Variants in CEP43 observed in about 807,000 individuals in gnomAD.
CEP43 encodes centrosomal protein 43.
CEP43 carries 36 observed loss-of-function variants against 52.6 expected under a neutral mutation model. The observed-to-expected ratio is 0.68, with a 90% CI of 0.52 to 0.90. CEP43 has a LOEUF of 0.90. CEP43 is among the 40% of genes least tolerant of loss of function. CEP43 has a pLI of 0.00. For synonymous variants in CEP43, 192 were observed against 172.4 expected (o/e 1.11, Z -0.89); for missense variants, 506 against 472.8 (o/e 1.07, Z -0.65).
In CEP43 at chr6:167,034,565, G is replaced by T. The variant is rs1156465447; in HGVS notation, c.1125+594G>T. Among the ~76,000 whole-genome samples the T allele has an allele frequency of 2.0e-5, 3 of 152,334 alleles. No homozygotes were observed. In the East Asian group the frequency reaches 5.8e-4, roughly 29 times the overall value. ...CACTTCAAGCTGTCCCCAGCTCAGA[G>T]GAGTCTACCAGTCAGGTTGGAGGTT... On this transcript the variant is annotated intron_variant, in intron 12 of 12. Transcript: ENST00000366847.
intron 2 of CEP43, among the ~76,000 whole-genome samples, chr6:167,001,953 C>T (rs1223376024): frequency 6.6e-6 from 1 of 151,258 alleles, no homozygotes; most frequent in Admixed American, 6.5e-5. Flanking sequence ...AGTTGACTCC[C>T]TATCTTAGAA....
chr6:167,016,572 G>C (rs1231072075), intron 7 of CEP43, among the ~76,000 whole-genome samples: 2 of 152,044 alleles, frequency 1.3e-5, no homozygotes, highest in Non-Finnish European at 2.9e-5. Context: ...CAGTTTTCAG[G>C]TATTTTAAAA....
At position 167,041,772 on chromosome 6, in the gene CEP43, A is replaced by C. The variant is rs975104076; in HGVS notation, c.*1794A>C. ...ACCTTTTGATAATATTTGGGAGGGT[A>C]AAAGAAATATGCCAAATATGAAACT... On this transcript the variant is annotated 3_prime_UTR_variant, in exon 13 of 13. Transcript: ENST00000366847. The C allele has an allele frequency of 3.9e-6, 4 of 1,013,396 alleles. No homozygotes were observed. Among genetic ancestry groups the C allele is most frequent in the Non-Finnish European group, 4.7e-6 (4 of 847,098 alleles). 62.8% of individuals were successfully genotyped at this position (1,013,396 alleles called of 1,614,324 possible). A position where few individuals can be genotyped will look rare whatever the true frequency, so the allele number is the denominator to read the frequency against.
In CEP43 at chr6:167,044,267, A is replaced by G. The variant is rs16899835; in HGVS notation, c.*4289A>G. On this transcript the variant is annotated 3_prime_UTR_variant, in exon 13 of 13. Transcript: ENST00000366847. ...GTAACATTTGAATCTAAAAGAGGCT[A>G]TATGAAAGAGGTTATAATAAAAATG... is the stretch of plus-strand genomic sequence containing the variant. The G allele has an allele frequency of 0.018, 4,630 of 263,582 alleles. 78 individuals carry two copies. The highest frequency in any genetic ancestry group is 0.089 in the East Asian group (503 of 5,632). 16.3% of individuals were successfully genotyped at this position (263,582 alleles called of 1,614,324 possible). A position where few individuals can be genotyped will look rare whatever the true frequency, so the allele number is the denominator to read the frequency against.
intron 1 of CEP43, 89 bp downstream of exon 1, chr6:166,999,603 C>T (rs752983790): frequency 2.9e-5 from 29 of 996,802 alleles, no homozygotes; most frequent in Non-Finnish European, 3.9e-5. Flanking sequence ...AGGAGGCCGC[C>T]TCCCTGGCGA....
chr6:167,028,070 A>G (rs1474805713), intron 10 of CEP43: 2 of 984,890 alleles, frequency 2.0e-6, no homozygotes, highest in East Asian at 2.3e-4. Context: ...GTTCTTTTCC[A>G]CTAAATCTCA....
At chr6:167,020,371 C>T (rs953625172) in intron 7 of CEP43, among the ~76,000 whole-genome samples, 7 of 152,136 alleles carry the variant, frequency 4.6e-5, no homozygotes, top group Non-Finnish European at 5.9e-5. Flanking sequence ...AAGATGTAAA[C>T]GTATATCATA....
chr6:167,019,264 C>A (rs1044550024), intron 7 of CEP43, among the ~76,000 whole-genome samples: 2 of 146,574 alleles, frequency 1.4e-5, no homozygotes, highest in Non-Finnish European at 3.0e-5. Context: ...CACGCATACA[C>A]CTGCTGTGCA....
At chr6:167,035,344 A>G (rs1448547623) in intron 12 of CEP43, among the ~76,000 whole-genome samples, 3 of 152,060 alleles carry the variant, frequency 2.0e-5, no homozygotes, top group Non-Finnish European at 1.5e-5. Context: ...TATTCTTTGC[A>G]GTAAGAATAC....
At chr6:167,005,652 C>G (rs1016442078) in intron 5 of CEP43, among the ~76,000 whole-genome samples, 3 of 152,088 alleles carry the variant, frequency 2.0e-5, no homozygotes, top group African/African-American at 7.2e-5. Flanking sequence ...CATATAATTT[C>G]ATTCCTTCAT....
rs1780714881 is a variant in CEP43 at position 167,042,200 on chromosome 6, A to C, written c.*2222A>C. ...GCTTTCTTTTCACATGTACTTTTTGATTAGGTATTATCAACTTATGAAACT... is the reference window on the plus strand; with the variant it reads ...GCTTTCTTTTCACATGTACTTTTTGCTTAGGTATTATCAACTTATGAAACT... On this transcript the variant is annotated 3_prime_UTR_variant, in exon 13 of 13. Transcript: ENST00000366847. 1 of 1,006,306 alleles carries C rather than the reference A, an allele frequency of 9.9e-7. No individual in the cohort carries two copies. The highest frequency in any genetic ancestry group is 1.2e-6 in the Non-Finnish European group (1 of 841,302). The allele number at this position is 1,006,306 out of a possible 1,614,324, so 62.3% of individuals were successfully genotyped here.
chr6:166,999,467 C>T lies in CEP43; in HGVS notation c.55C>T (p.Leu19=). The T allele has an allele frequency of 5.4e-6, 8 of 1,484,568 alleles. No individual in the cohort carries two copies. The highest frequency in any genetic ancestry group is 7.2e-6 in the Non-Finnish European group (8 of 1,115,414). 92.0% of individuals were successfully genotyped at this position (1,484,568 alleles called of 1,614,324 possible). The change falls in exon 1 of 13, where the codon CTG becomes TTG. Residue 19 remains leucine, a synonymous_variant. Coordinates refer to ENST00000366847, the MANE Select transcript of CEP43 (RefSeq NM_007045.4). ...CGAGGAGGACACGGAGCTGCGGGACCTGCTGGTGCAGACGCTGGAGAACAG... is the reference window on the plus strand; with the variant it reads ...CGAGGAGGACACGGAGCTGCGGGACTTGCTGGTGCAGACGCTGGAGAACAG... ...VAEEDTELRD[L]LVQTLENSGV...
intron 10 of CEP43, among the ~76,000 whole-genome samples, chr6:167,030,681 C>T (rs1780448861): frequency 6.6e-6 from 1 of 152,220 alleles, no homozygotes. Flanking sequence ...TGCCTTGACC[C>T]AAGCCTTTTA....
At chr6:167,003,153 G>T in intron 2 of CEP43, 40 bp from the exon 3 acceptor site, 2 of 900,206 alleles carry the variant, frequency 2.2e-6, no homozygotes, top group South Asian at 1.6e-5. Context: ...GTTGTTTTTA[G>T]GGTAAACACA....
chr6:166,999,592 G>A (rs1779677131), intron 1 of CEP43, 78 bp downstream of exon 1: 1 of 1,082,290 alleles, frequency 9.2e-7, no homozygotes, highest in Non-Finnish European at 1.2e-6. Flanking sequence ...CGGTCGCGGC[G>A]AGGAGGCCGC....
At chr6:167,027,502 G>C (rs1213634581) in intron 10 of CEP43, among the ~76,000 whole-genome samples, 1 of 152,146 alleles carries the variant, frequency 6.6e-6, no homozygotes, top group Non-Finnish European at 1.5e-5. Context: ...AGCTTCACAG[G>C]CAGGTTAGGG....
Position 167,042,078 on chromosome 6 carries a change from A to G in CEP43, c.*2100A>G, listed in dbSNP as rs549882207. The G allele has an allele frequency of 1.4e-5, 13 of 937,878 alleles. No homozygotes were observed. The highest frequency in any genetic ancestry group is 5.2e-4 in the Middle Eastern group (1 of 1,936). 58.1% of individuals were successfully genotyped at this position (937,878 alleles called of 1,614,324 possible). A position where few individuals can be genotyped will look rare whatever the true frequency, so the allele number is the denominator to read the frequency against. On this transcript the variant is annotated 3_prime_UTR_variant, in exon 13 of 13. Coordinates refer to ENST00000366847, the MANE Select transcript of CEP43 (RefSeq NM_007045.4). ...ACCTCGTTCCTGCCTTAGCCTCCTA[A>G]AGTGCCGGGATTACAGGCGTGAACC...
At chr6:167,000,006 G>C in intron 1 of CEP43, 54 bp from the exon 2 acceptor site, 5 of 1,467,034 alleles carry the variant, frequency 3.4e-6, no homozygotes, top group East Asian at 4.5e-5. Context: ...ATGTGAGCTT[G>C]TTGTGAAAAT....
At position 167,040,790 on chromosome 6, in the gene CEP43, T is replaced by A; in HGVS notation, c.*812T>A. 2.0e-6 allele frequency: 2 copies of A among 1,015,706 alleles called. No individual in the cohort carries two copies. Among genetic ancestry groups the A allele is most frequent in the Non-Finnish European group, 2.4e-6 (2 of 845,686 alleles). 62.9% of individuals were successfully genotyped at this position (1,015,706 alleles called of 1,614,324 possible). A position where few individuals can be genotyped will look rare whatever the true frequency, so the allele number is the denominator to read the frequency against. ...CATTAAGCAGTGCTTTTATTTCAGATCTGTAAGTTAATTGTATTAAAATCC... is the reference window on the plus strand; with the variant it reads ...CATTAAGCAGTGCTTTTATTTCAGAACTGTAAGTTAATTGTATTAAAATCC... On this transcript the variant is annotated 3_prime_UTR_variant, in exon 13 of 13. Coordinates refer to ENST00000366847, the MANE Select transcript of CEP43 (RefSeq NM_007045.4).
Sources: gnomAD v4.1 joint callset for allele counts (sites outside exome capture counted in the v4.1 genomes callset) on GRCh38, gnomAD v4.1.1 for gene constraint, MANE v1.5 for transcripts, NCBI Gene and HGNC (gene_info 2026-07-23, HGNC 2026-07-21) for gene names.